PAPPA: variants seen among roughly 807,000 people sequenced by gnomAD.
PAPPA encodes pappalysin-1.
A neutral mutation model predicts 164.0 loss-of-function variants in PAPPA; 60 were observed. The observed-to-expected ratio is 0.37, with a 90% CI of 0.30 to 0.45. The LOEUF is 0.45. PAPPA is among the 20% of genes least tolerant of loss of function. The pLI is 1.00. For synonymous variants in PAPPA, 875 were observed against 814.1 expected (o/e 1.07, Z -1.27); for missense variants, 1,782 against 2,087.3 (o/e 0.85, Z 2.85).
At chr9:116,344,303 C>T (rs543442377) in intron 13 of PAPPA, among the ~76,000 whole-genome samples, 4 of 152,262 alleles carry the variant, frequency 2.6e-5, no homozygotes, top group African/African-American at 9.6e-5. Context: ...TGATAACATA[C>T]AAAGCTTTCA....
chr9:116,348,480 G>C (rs1486761611), intron 15 of PAPPA, among the ~76,000 whole-genome samples: 1 of 151,794 alleles, frequency 6.6e-6, no homozygotes, highest in Admixed American at 6.6e-5. Flanking sequence ...AAGCAAAAAG[G>C]ACAACAGTTT....
In PAPPA at chr9:116,283,702, G is replaced by A. The variant is rs370327461; in HGVS notation, c.2953+12286G>A. Among the ~76,000 whole-genome samples, 11 of 152,254 alleles carry A rather than the reference G, an allele frequency of 7.2e-5. No homozygotes were observed. In the East Asian group the frequency reaches 1.2e-3, roughly 16 times the overall value. Reference sequence around the variant, plus strand: ...GTAAGTTTAAATTTAACTATCAGCCGCCATTGGCAGGACTCTGAAAGGTCC... The same window carrying A: ...GTAAGTTTAAATTTAACTATCAGCCACCATTGGCAGGACTCTGAAAGGTCC... On this transcript the variant is annotated intron_variant, in intron 9 of 21. Transcript: ENST00000328252.
At chr9:116,220,862 G>A (rs1844436316) in intron 5 of PAPPA, among the ~76,000 whole-genome samples, 1 of 151,128 alleles carries the variant, frequency 6.6e-6, no homozygotes, top group Admixed American at 6.6e-5. Context: ...CTCAGCCTGG[G>A]CAACAGAGCG....
chr9:116,334,793 G>T (rs1272711428), intron 12 of PAPPA, 68 bp from the exon 13 acceptor site: 2 of 1,220,202 alleles, frequency 1.6e-6, no homozygotes, highest in Admixed American at 3.6e-5. Context: ...GGAAGGGCCC[G>T]TTGGGGAGGG....
chr9:116,333,630 CT>C (rs1846021673), intron 12 of PAPPA, among the ~76,000 whole-genome samples: 1 of 152,142 alleles, frequency 6.6e-6, no homozygotes, highest in Non-Finnish European at 1.5e-5. Flanking sequence ...TATTTAGTTC[CT>C]TTTAAAGGCA....
At chr9:116,319,093 GA>G (rs1845821789) in intron 10 of PAPPA, among the ~76,000 whole-genome samples, 1 of 152,236 alleles carries the variant, frequency 6.6e-6, no homozygotes, top group African/African-American at 2.4e-5. Context: ...GATTAGTAAT[GA>G]GATCCCAAGT....
intron 2 of PAPPA, among the ~76,000 whole-genome samples, chr9:116,192,488 T>C (rs1420587789): frequency 6.6e-6 from 1 of 152,200 alleles, no homozygotes; most frequent in East Asian, 1.9e-4. Flanking sequence ...CCTTCTGTCC[T>C]TTTCTTCTCT....
chr9:116,158,084 GA>G (rs1843624723), intron 1 of PAPPA, among the ~76,000 whole-genome samples: 1 of 152,142 alleles, frequency 6.6e-6, no homozygotes, highest in African/African-American at 2.4e-5. Context: ...TAGTGATTCG[GA>G]ATTCCTGCTC....
At chr9:116,195,675 CA>C (rs1367614473) in intron 2 of PAPPA, among the ~76,000 whole-genome samples, 3 of 152,130 alleles carry the variant, frequency 2.0e-5, no homozygotes, top group Admixed American at 6.5e-5. Flanking sequence ...CTGAAAATAG[CA>C]GTTGTTATTG....
intron 9 of PAPPA, among the ~76,000 whole-genome samples, chr9:116,278,243 C>T (rs113288405): frequency 1.3e-5 from 2 of 152,182 alleles, no homozygotes; most frequent in African/African-American, 4.8e-5. Flanking sequence ...CTCCCAGCAA[C>T]TCTGTAGAGT....
chr9:116,240,144 C>G (rs1444665322), intron 7 of PAPPA, among the ~76,000 whole-genome samples: 1 of 152,226 alleles, frequency 6.6e-6, no homozygotes, highest in African/African-American at 2.4e-5. Flanking sequence ...AGCTCACTCT[C>G]ATCTACTTAT....
intron 7 of PAPPA, among the ~76,000 whole-genome samples, chr9:116,247,227 A>T (rs539037323): frequency 1.3e-5 from 2 of 152,266 alleles, no homozygotes; most frequent in African/African-American, 4.8e-5. Flanking sequence ...ATTAATATCA[A>T]TTCTGAGAGG....
chr9:116,381,749 G>T (rs925430265), intron 20 of PAPPA, among the ~76,000 whole-genome samples: 1 of 152,148 alleles, frequency 6.6e-6, no homozygotes, highest in Non-Finnish European at 1.5e-5. Flanking sequence ...TTGAGTCTCC[G>T]CATCTTCATC....
At chr9:116,387,962 C>T (rs1454068968) in intron 21 of PAPPA, among the ~76,000 whole-genome samples, 1 of 152,184 alleles carries the variant, frequency 6.6e-6, no homozygotes, top group African/African-American at 2.4e-5. Flanking sequence ...CATCTTCTCC[C>T]AGACTTCCTT....
chr9:116,235,036 T>C, intron 6 of PAPPA, 103 bp from the exon 7 acceptor site: 4 of 1,323,264 alleles, frequency 3.0e-6, no homozygotes, highest in Non-Finnish European at 4.3e-6. Flanking sequence ...CCCCTCTGTC[T>C]AAGTTCTAGT....
chr9:116,179,751 C>A (rs1843881810), intron 1 of PAPPA, among the ~76,000 whole-genome samples: 1 of 152,296 alleles, frequency 6.6e-6, no homozygotes, highest in African/African-American at 2.4e-5. Context: ...TAACCCAAAT[C>A]TGTCTGTTTT....
At chr9:116,294,633 C>A (rs1845479038) in intron 9 of PAPPA, among the ~76,000 whole-genome samples, 2 of 152,162 alleles carry the variant, frequency 1.3e-5, no homozygotes, top group South Asian at 2.1e-4. Flanking sequence ...CACTCCTGCT[C>A]CCCCTGTTCC....
intron 1 of PAPPA, among the ~76,000 whole-genome samples, chr9:116,162,677 G>C (rs1407001234): frequency 6.6e-6 from 1 of 152,184 alleles, no homozygotes; most frequent in Non-Finnish European, 1.5e-5. Context: ...CCTCCATGTG[G>C]AAAATGCTTA....
chr9:116,231,531 A>G (rs1564192529), intron 6 of PAPPA, among the ~76,000 whole-genome samples: 1 of 152,100 alleles, frequency 6.6e-6, no homozygotes, highest in Non-Finnish European at 1.5e-5. Flanking sequence ...TCTCCTAACT[A>G]GTCTTGCAAG....
Sources: gnomAD v4.1 joint callset for allele counts (sites outside exome capture counted in the v4.1 genomes callset) on GRCh38, gnomAD v4.1.1 for gene constraint, MANE v1.5 for transcripts, NCBI Gene and HGNC (gene_info 2026-07-23, HGNC 2026-07-21) for gene names.